DNAH14: variants seen among roughly 807,000 people sequenced by gnomAD.
DNAH14 encodes the protein axonemal beta dynein heavy chain 14.
DNAH14 carries 478 observed loss-of-function variants against 520.9 expected under a neutral mutation model. That is an observed-to-expected ratio of 0.92 (90% confidence interval 0.85 to 0.99). The LOEUF is 0.99. DNAH14 is among the 50% of genes least tolerant of loss of function. The probability of loss-of-function intolerance (pLI) is 0.00; values close to 1 mark genes in which losing one functional copy is unlikely to be tolerated. For synonymous variants in DNAH14, 1,581 were observed against 1,757.2 expected (o/e 0.90, Z 2.51); for missense variants, 4,831 against 5,234.5 (o/e 0.92, Z 2.38).
intron 31 of DNAH14, chr1:225,151,748 G>A: frequency 1.6e-6 from 1 of 614,616 alleles, no homozygotes; most frequent in Non-Finnish European, 2.9e-6. Flanking sequence ...CATTCAGCTA[G>A]GTATCTTCCA....
chr1:224,975,937 G>A (rs1485670980), intron 8 of DNAH14, among the ~76,000 whole-genome samples: 6 of 151,770 alleles, frequency 4.0e-5, no homozygotes, highest in Admixed American at 6.6e-5. Flanking sequence ...CTTTGTTCTC[G>A]TTGGTTTCAA....
chr1:225,146,585 G>A (rs1351345), intron 30 of DNAH14, among the ~76,000 whole-genome samples: 51,760 of 152,142 alleles, frequency 0.34, 10,272 homozygotes, highest in East Asian at 0.54. Context: ...CAGCAGCTGC[G>A]TGCTTTAGCT....
intron 81 of DNAH14, among the ~76,000 whole-genome samples, chr1:225,386,941 T>G (rs1396480703): frequency 6.6e-6 from 1 of 152,254 alleles, no homozygotes; most frequent in Non-Finnish European, 1.5e-5. Context: ...TGCACACGTA[T>G]GTTTATTGCG....
At chr1:225,169,252 A>G (rs1160904068) in intron 36 of DNAH14, among the ~76,000 whole-genome samples, 1 of 152,216 alleles carries the variant, frequency 6.6e-6, no homozygotes, top group Non-Finnish European at 1.5e-5. Flanking sequence ...TCCTCCTCCA[A>G]AGGAACGCAG....
chr1:225,353,965 T>A, intron 73 of DNAH14, 77 bp downstream of exon 73: 1 of 873,710 alleles, frequency 1.1e-6, no homozygotes, highest in Non-Finnish European at 1.8e-6. Flanking sequence ...CCTTCAAAAT[T>A]AAAATTTTAC....
chr1:225,374,342 AT>A (rs2095668693), intron 77 of DNAH14, among the ~76,000 whole-genome samples: 1 of 146,586 alleles, frequency 6.8e-6, no homozygotes, highest in African/African-American at 2.5e-5. Flanking sequence ...GCTCACTGTG[AT>A]CCCCGCACCC....
chr1:225,393,294 A>C (rs900284991), intron 84 of DNAH14, among the ~76,000 whole-genome samples: 6 of 152,220 alleles, frequency 3.9e-5, no homozygotes, highest in African/African-American at 1.4e-4. Context: ...AACGATGGGG[A>C]TACATTCTGA....
intron 27 of DNAH14, 136 bp downstream of exon 27, chr1:225,123,750 C>T (rs1266785512): frequency 5.2e-6 from 1 of 191,556 alleles, no homozygotes; most frequent in African/African-American, 2.4e-5. Context: ...GGGCCTATAA[C>T]AGTTATGTTT....
At chr1:225,181,537 C>A (rs544861239) in intron 36 of DNAH14, among the ~76,000 whole-genome samples, 54 of 152,190 alleles carry the variant, frequency 3.5e-4, no homozygotes, top group African/African-American at 1.3e-3. Context: ...GATGTGAAAC[C>A]AATTCATTGT....
At chr1:225,300,106 TC>T (rs922841346) in intron 55 of DNAH14, among the ~76,000 whole-genome samples, 4 of 152,212 alleles carry the variant, frequency 2.6e-5, no homozygotes, top group African/African-American at 9.6e-5. Context: ...TGTTACCTTT[TC>T]CATTGAATTT....
intron 43 of DNAH14, chr1:225,250,697 G>A: frequency 1.8e-6 from 1 of 552,120 alleles, no homozygotes; most frequent in Non-Finnish European, 3.4e-6. Context: ...ACGGAGAAAG[G>A]GGAACTGTGG....
intron 23 of DNAH14, among the ~76,000 whole-genome samples, chr1:225,104,671 A>G (rs1573112905): frequency 6.6e-6 from 1 of 152,110 alleles, no homozygotes; most frequent in Non-Finnish European, 1.5e-5. Context: ...GTTTATTTGC[A>G]TAGAGGTGTT....
chr1:225,369,057 T>A (rs2095586139), intron 77 of DNAH14, among the ~76,000 whole-genome samples: 1 of 152,172 alleles, frequency 6.6e-6, no homozygotes, highest in Admixed American at 6.5e-5. Context: ...ATAATTGATA[T>A]TTTTATTTAA....
chr1:225,389,023 G>T (rs1189006195), intron 82 of DNAH14, among the ~76,000 whole-genome samples: 2 of 152,204 alleles, frequency 1.3e-5, no homozygotes, highest in Non-Finnish European at 2.9e-5. Flanking sequence ...CTCCCAAAGT[G>T]CAGGGATTAC....
In DNAH14 at chr1:225,080,689, T is replaced by G. The variant is rs1239977563; in HGVS notation, c.3077T>G (p.Val1026Gly). The G allele has an allele frequency of 6.4e-7, 1 of 1,550,388 alleles. No homozygotes were observed. The highest frequency in any genetic ancestry group is 1.4e-5 in the African/African-American group (1 of 73,034). The change falls in exon 19 of 86, where the codon GTA becomes GGA. Residue 1026 changes from valine (V) to glycine (G), a missense_variant. Transcript: ENST00000682510. ...WRNSSLQSID[V>G]ESVQRNVSKL... ...AATAGTTCTCTTCAAAGTATTGATG[T>G]AGAATCAGTACAGAGAAATGTTTCA...
At position 225,066,326 on chromosome 1, in the gene DNAH14, A is replaced by AT. The variant is rs1282612283; in HGVS notation, c.2425-12876dup. Among the ~76,000 whole-genome samples, 3 of 151,808 alleles carry AT rather than the reference A, an allele frequency of 2.0e-5. No homozygotes were observed. The East Asian group carries it at 5.8e-4, about 29-fold the overall frequency. ...AATTGTTTCCTTTGGTTTGCAGAAG[A>AT]TTTTTAGTTTGATGTAATCCTATTC... On this transcript the variant is annotated intron_variant, in intron 17 of 85. Transcript: ENST00000682510.
chr1:225,085,176 C>G (rs552744653), intron 20 of DNAH14, among the ~76,000 whole-genome samples: 1 of 151,950 alleles, frequency 6.6e-6, no homozygotes, highest in Non-Finnish European at 1.5e-5. Flanking sequence ...AGGGATAAAA[C>G]AATAAGTAAA....
rs749765222 is a variant in DNAH14, at chr1:225,257,459, T to C, written c.6866-501T>C. 6.6e-4 allele frequency among the ~76,000 whole-genome samples: 101 copies of C among 152,350 alleles called. No homozygotes were observed. In the Middle Eastern group the frequency reaches 0.01, roughly 15 times the overall value. On this transcript the variant is annotated intron_variant, in intron 44 of 85. Transcript: ENST00000682510. Reference sequence around the variant, plus strand: ...TAATAACTTTTATGATTGACTATATTGTGACATGATTACATTTTCCTGAAA... The same window carrying C: ...TAATAACTTTTATGATTGACTATATCGTGACATGATTACATTTTCCTGAAA...
chr1:225,390,211 C>T (rs912991872), intron 83 of DNAH14, among the ~76,000 whole-genome samples: 13 of 152,250 alleles, frequency 8.5e-5, no homozygotes, highest in Admixed American at 3.9e-4. Context: ...GGGGTGGAGA[C>T]GGGCAACTTC....
Sources: allele counts gnomAD v4.1 joint callset (sites outside exome capture counted in the v4.1 genomes callset), GRCh38; gene constraint gnomAD v4.1.1; transcripts MANE v1.5; gene names NCBI Gene and HGNC (gene_info 2026-07-23, HGNC 2026-07-21).